The following PARP8 variants were observed in gnomAD, a reference collection of about 807,000 sequenced individuals.
PARP8 encodes protein mono-ADP-ribosyltransferase PARP8.
A neutral mutation model predicts 124.1 loss-of-function variants in PARP8; 51 were observed. The observed-to-expected ratio is 0.41, with a 90% CI of 0.33 to 0.52. The LOEUF (loss-of-function observed/expected upper bound fraction) is 0.52. Among genes scored for constraint, PARP8 ranks in the 20% least tolerant of loss-of-function variants. PARP8 has a pLI of 0.21. For synonymous variants in PARP8, 391 were observed against 361.5 expected (o/e 1.08, Z -0.93); for missense variants, 860 against 1,018.9 (o/e 0.84, Z 2.12).
intron 2 of PARP8, among the ~76,000 whole-genome samples, chr5:50,744,570 T>C (rs1053899698): frequency 5.9e-5 from 9 of 152,174 alleles, no homozygotes; most frequent in Non-Finnish European, 1.3e-4. Context: ...ATTTTTAGAT[T>C]CTGGTTTCAA....
intron 3 of PARP8, among the ~76,000 whole-genome samples, chr5:50,757,503 A>G (rs1163547889): frequency 2.6e-5 from 4 of 152,194 alleles, no homozygotes; most frequent in African/African-American, 7.2e-5. Context: ...AAATAATGTC[A>G]TAAAACCTGG....
rs1347766713 is a variant in PARP8, at chr5:50,759,573, CTAT to C, written c.185-65_185-63del. On this transcript the variant is annotated intron_variant, in intron 3 of 25. Transcript: ENST00000281631. ...CTAAAGTGATGTGCATATAAATTAG[CTAT>C]TATTTTTGTAAAGGATGTATTTTTT... 19 of 1,429,272 alleles carry C rather than the reference CTAT, an allele frequency of 1.3e-5. 1 individual carries two copies. In the South Asian group the frequency reaches 1.7e-4, roughly 13 times the overall value. 88.5% of individuals were successfully genotyped at this position (1,429,272 alleles called of 1,614,324 possible). A position where few individuals can be genotyped will look rare whatever the true frequency, so the allele number is the denominator to read the frequency against.
At chr5:50,734,546 T>C (rs1358309155) in intron 2 of PARP8, among the ~76,000 whole-genome samples, 1 of 152,202 alleles carries the variant, frequency 6.6e-6, no homozygotes, top group African/African-American at 2.4e-5. Context: ...TTGTCAGTAA[T>C]ATATTTACTA....
At chr5:50,735,663 C>T (rs1472288431) in intron 2 of PARP8, among the ~76,000 whole-genome samples, 1 of 152,116 alleles carries the variant, frequency 6.6e-6, no homozygotes, top group African/African-American at 2.4e-5. Context: ...ATATTTTGAA[C>T]ATCTCTTAAG....
intron 7 of PARP8, among the ~76,000 whole-genome samples, chr5:50,772,775 C>T (rs1761757895): frequency 6.6e-6 from 1 of 152,172 alleles, no homozygotes; most frequent in Admixed American, 6.5e-5. Context: ...TGGCTCACTG[C>T]AACCTCTGCC....
At chr5:50,825,369 T>A (rs1182470948) in intron 18 of PARP8, among the ~76,000 whole-genome samples, 1 of 152,210 alleles carries the variant, frequency 6.6e-6, no homozygotes, top group East Asian at 1.9e-4. Flanking sequence ...ATCTTTCTAA[T>A]CTAAAATAAA....
intron 2 of PARP8, among the ~76,000 whole-genome samples, chr5:50,687,081 T>C (rs185976894): frequency 6.6e-6 from 1 of 152,214 alleles, no homozygotes; most frequent in South Asian, 2.1e-4. Flanking sequence ...TATCACATTG[T>C]CAGGCAGCAA....
At chr5:50,790,271 A>T (rs1741797856) in intron 10 of PARP8, among the ~76,000 whole-genome samples, 1 of 152,160 alleles carries the variant, frequency 6.6e-6, no homozygotes, top group Admixed American at 6.5e-5. Flanking sequence ...GACTCACAGG[A>T]TAAATTTTCT....
chr5:50,671,292 C>A (rs1408485327), intron 2 of PARP8, among the ~76,000 whole-genome samples: 2 of 152,154 alleles, frequency 1.3e-5, no homozygotes, highest in Non-Finnish European at 2.9e-5. Flanking sequence ...GAAGGGGTAA[C>A]CTGCATGGTG....
intron 25 of PARP8, among the ~76,000 whole-genome samples, chr5:50,838,235 T>A (rs1225038892): frequency 5.3e-5 from 8 of 152,076 alleles, no homozygotes; most frequent in Admixed American, 5.3e-4. Context: ...AAACCTGAGC[T>A]GTAGTTTTCC....
intron 2 of PARP8, among the ~76,000 whole-genome samples, chr5:50,727,061 G>T (rs1297919788): frequency 6.6e-6 from 1 of 152,098 alleles, no homozygotes; most frequent in African/African-American, 2.4e-5. Flanking sequence ...CTTTCTGAAG[G>T]TTGTGAGAAA....
chr5:50,671,210 T>C lies in PARP8; in HGVS notation c.146+3085T>C, dbSNP rs578064260. On this transcript the variant is annotated intron_variant, in intron 2 of 25. Coordinates refer to ENST00000281631, the MANE Select transcript of PARP8 (RefSeq NM_024615.4). ...GTTTTACTGATTAGCAATAAACTCC[T>C]TAAAACCCAAAGGTTTGGGCTTCTG... 7.9e-5 allele frequency among the ~76,000 whole-genome samples: 12 copies of C among 152,366 alleles called. No individual in the cohort carries two copies. The East Asian group carries it at 2.3e-3, about 29-fold the overall frequency.
At position 50,846,041 on chromosome 5, in the gene PARP8, T is replaced by G. The variant is rs1043362545; in HGVS notation, c.*3973T>G. The G allele has an allele frequency of 6.6e-6, 1 of 151,824 alleles. No homozygotes were observed. The highest frequency in any genetic ancestry group is 2.4e-5 in the African/African-American group (1 of 41,408). The allele number at this position is 151,824 out of a possible 1,614,324, so 9.4% of individuals were successfully genotyped here. On this transcript the variant is annotated 3_prime_UTR_variant, in exon 26 of 26. Coordinates refer to ENST00000281631, the MANE Select transcript of PARP8 (RefSeq NM_024615.4). ...ACATATCCATGAGTGTGAAAAAAGC[T>G]GTGTTGACGAATAGATTACATTTCA...
chr5:50,710,253 G>A (rs1348106147), intron 2 of PARP8, among the ~76,000 whole-genome samples: 1 of 151,854 alleles, frequency 6.6e-6, no homozygotes, highest in East Asian at 1.9e-4. Context: ...TTTTGCTGCT[G>A]TTATCATAGG....
At chr5:50,771,215 A>C (rs1761597871) in intron 7 of PARP8, among the ~76,000 whole-genome samples, 1 of 151,950 alleles carries the variant, frequency 6.6e-6, no homozygotes, top group Admixed American at 6.6e-5. Context: ...GCTGGAGTGC[A>C]ATGGCACGAT....
In PARP8 at chr5:50,842,002, T is replaced by C. The variant is rs200706009; in HGVS notation, c.2499T>C (p.Asn833=). The part of the protein sequence containing the change: ...EDGQVGDANI[N]TQEGGIHKEI... ...GCCAAGTGGGAGATGCAAATATTAATACACAAGAAGGAGGCATTCACAAAG... is the reference window on the plus strand; with the variant it reads ...GCCAAGTGGGAGATGCAAATATTAACACACAAGAAGGAGGCATTCACAAAG... Residue 833 remains asparagine, a synonymous_variant, in exon 26 of 26, where the codon AAT becomes AAC. Coordinates refer to ENST00000281631, the MANE Select transcript of PARP8 (RefSeq NM_024615.4). The C allele has an allele frequency of 4.7e-5, 75 of 1,605,802 alleles. No homozygotes were observed. The highest frequency in any genetic ancestry group is 1.1e-5 in the South Asian group (1 of 90,076).
intron 2 of PARP8, among the ~76,000 whole-genome samples, chr5:50,701,020 G>T (rs1399411823): frequency 1.3e-5 from 2 of 152,072 alleles, no homozygotes; most frequent in Non-Finnish European, 1.5e-5. Context: ...ATTCCATGGA[G>T]AATTTCTTCT....
chr5:50,807,354 G>A (rs529583020), intron 14 of PARP8, among the ~76,000 whole-genome samples: 3 of 151,940 alleles, frequency 2.0e-5, no homozygotes, highest in African/African-American at 4.8e-5. Flanking sequence ...TTGCATCTGC[G>A]TAACGCTCAC....
At chr5:50,693,004 G>A in intron 2 of PARP8, among the ~76,000 whole-genome samples, 1 of 152,098 alleles carries the variant, frequency 6.6e-6, no homozygotes, top group Non-Finnish European at 1.5e-5. Context: ...TTTATGATAA[G>A]GGTGTTGAGG....
Sources: gnomAD v4.1 joint callset for allele counts (sites outside exome capture counted in the v4.1 genomes callset) on GRCh38, gnomAD v4.1.1 for gene constraint, MANE v1.5 for transcripts, NCBI Gene and HGNC (gene_info 2026-07-23, HGNC 2026-07-21) for gene names.